AKAP14: variants seen among roughly 807,000 people sequenced by gnomAD.
The protein encoded by AKAP14 is A-kinase anchoring protein 14, also known as A-kinase anchor protein 14.
Under a neutral mutation model 17.0 loss-of-function variants are expected in AKAP14, and 4 were observed. The ratio of observed to expected loss-of-function variants is 0.23; its 90% CI spans 0.12 to 0.54. AKAP14 has a LOEUF of 0.54. Among genes scored for constraint, AKAP14 ranks in the 20% least tolerant of loss-of-function variants. The pLI, the probability that AKAP14 is intolerant of heterozygous loss-of-function variation, is 0.95. For synonymous variants in AKAP14, 42 were observed against 51.3 expected, an observed-to-expected ratio of 0.82 and a Z score of 0.77; for missense variants, 129 against 150.9, an observed-to-expected ratio of 0.85 and a Z score of 0.76.
In AKAP14 at chrX:119,897,285, A is replaced by G. The variant is rs765471706; in HGVS notation, c.-11+1018A>G. Reference sequence around the variant, plus strand: ...TGCCATTCTCCTGCCTCAGACCCCCAAGTAGCTGGGACTACAGGCACCCGC... The same window carrying G: ...TGCCATTCTCCTGCCTCAGACCCCCGAGTAGCTGGGACTACAGGCACCCGC... On this transcript the variant is annotated intron_variant, in intron 2 of 6. Transcript: ENST00000371431. Among the ~76,000 whole-genome samples the G allele has an allele frequency of 3.6e-4, 39 of 108,234 alleles. 2 individuals carry two copies. In the South Asian group the frequency reaches 0.013, roughly 37 times the overall value. The allele number at this position is 108,234 out of a possible 115,157, so 94.0% of individuals were successfully genotyped here. A position where few individuals can be genotyped will look rare whatever the true frequency, so the allele number is the denominator to read the frequency against.
At chrX:119,920,005 A>G in intron 6 of AKAP14, 42 bp downstream of exon 6, 1 of 1,147,501 alleles carries the variant, frequency 8.7e-7, no homozygotes, top group Middle Eastern at 2.4e-4. Flanking sequence ...GGTGGGAGAA[A>G]GGTCATCACA....
intron 4 of AKAP14, among the ~76,000 whole-genome samples, chrX:119,904,484 A>T (rs751636547): frequency 1.8e-5 from 2 of 112,423 alleles, no homozygotes; most frequent in Non-Finnish European, 3.8e-5. Flanking sequence ...GCAGTGGTTC[A>T]CATCTGTAAT....
chrX:119,901,631 G>A (rs1038519659), intron 2 of AKAP14, among the ~76,000 whole-genome samples: 1 of 109,821 alleles, frequency 9.1e-6, no homozygotes, highest in African/African-American at 3.3e-5. Context: ...ACTTGAATCC[G>A]GGAGGCGGAG....
chrX:119,908,500 TA>T (rs2056610821), intron 4 of AKAP14, among the ~76,000 whole-genome samples: 1 of 111,408 alleles, frequency 9.0e-6, no homozygotes, highest in East Asian at 2.8e-4. Flanking sequence ...GACATCACTA[TA>T]AAAAATGCCC....
Position 119,919,918 on chromosome X carries a change from C to T in AKAP14, c.449C>T (p.Pro150Leu), listed in dbSNP as rs1360734578. 1.7e-6 allele frequency: 2 copies of T among 1,208,111 alleles called. No homozygotes were observed. The highest frequency in any genetic ancestry group is 2.2e-6 in the Non-Finnish European group (2 of 893,351). The change falls in exon 6 of 7, where the codon CCC becomes CTC. Residue 150 changes from proline to leucine, a missense_variant. Coordinates refer to ENST00000371431, the MANE Select transcript of AKAP14 (RefSeq NM_178813.6). Reference sequence around the variant, plus strand: ...TGTCCTTCTCTTTTTTAGGATGCACCCATTGTTGTTTCTTATGTAGGTGAC... The same window carrying T: ...TGTCCTTCTCTTTTTTAGGATGCACTCATTGTTGTTTCTTATGTAGGTGAC... ...KVSKTKPPDAPIVVSYVGDHQ... is the reference protein window; with the variant it reads ...KVSKTKPPDALIVVSYVGDHQ...
At chrX:119,915,044 A>G (rs1234043314) in intron 5 of AKAP14, among the ~76,000 whole-genome samples, 166 bp downstream of exon 5, 1 of 112,068 alleles carries the variant, frequency 8.9e-6, no homozygotes, top group Non-Finnish European at 1.9e-5. Flanking sequence ...TCCCCGCTCC[A>G]TGAAACTTTC....
chrX:119,910,253 C>T (rs986581370), intron 4 of AKAP14, among the ~76,000 whole-genome samples: 22 of 111,975 alleles, frequency 2.0e-4, no homozygotes, highest in African/African-American at 7.1e-4. Context: ...ACTGAAACAG[C>T]CAATTGGGTA....
chrX:119,920,132 T>TA (rs2147840492), intron 6 of AKAP14, among the ~76,000 whole-genome samples, 169 bp downstream of exon 6: 1 of 111,598 alleles, frequency 9.0e-6, no homozygotes, highest in Admixed American at 9.6e-5. Context: ...TTATTTTTCT[T>TA]AGTGTCTGGT....
At position 119,914,842 on chromosome X, in the gene AKAP14, C is replaced by T. The variant is rs999180473; in HGVS notation, c.405C>T (p.Thr135=). Residue 135 remains threonine (T), a synonymous_variant, in exon 5 of 7, where the codon ACC becomes ACT. Transcript: ENST00000371431. ...CCGTAGCACGAATCTCTGCTGGTAC[C>T]TACTTCACCATGAAGGTCTCCAAAA... ...DLPVARISAG[T]YFTMKVSKTK... is the part of the protein sequence containing the mutation. 1.7e-6 allele frequency: 2 copies of T among 1,209,041 alleles called. No individual in the cohort carries two copies. Among genetic ancestry groups the T allele is most frequent in the Non-Finnish European group, 2.2e-6 (2 of 894,832 alleles).
intron 4 of AKAP14, among the ~76,000 whole-genome samples, chrX:119,912,233 G>A (rs767920517): frequency 9.1e-5 from 10 of 110,393 alleles, no homozygotes; most frequent in Non-Finnish European, 1.5e-4. Context: ...GCTTGCGCCC[G>A]GCCCACGGGA....
intron 4 of AKAP14, among the ~76,000 whole-genome samples, chrX:119,913,123 A>AAAATAAAT (rs766878681): frequency 0.015 from 1,446 of 98,046 alleles, 17 homozygotes; most frequent in African/African-American, 0.032. Context: ...CCTGGTCTCT[A>AAAATAAAT]AAATAAATAA....
intron 4 of AKAP14, among the ~76,000 whole-genome samples, chrX:119,904,518 C>T (rs999771346): frequency 9.0e-6 from 1 of 111,730 alleles, no homozygotes; most frequent in African/African-American, 3.2e-5. Flanking sequence ...AATACCAAGA[C>T]GGGAGAATCA....
chrX:119,910,069 G>A (rs1400647457), intron 4 of AKAP14, among the ~76,000 whole-genome samples: 2 of 109,913 alleles, frequency 1.8e-5, no homozygotes, highest in African/African-American at 6.6e-5. Flanking sequence ...AGGCTGAGGC[G>A]GGAGGGTCAC....
At chrX:119,903,752 G>T in intron 4 of AKAP14, 166 bp downstream of exon 4, 2 of 946,546 alleles carry the variant, frequency 2.1e-6, no homozygotes. Flanking sequence ...AATCAAGGTG[G>T]GATAGTCTTT....
intron 4 of AKAP14, among the ~76,000 whole-genome samples, chrX:119,907,128 G>T (rs1333365541): frequency 9.5e-6 from 1 of 105,695 alleles, no homozygotes; most frequent in Non-Finnish European, 2.0e-5. Context: ...ATGTCTGTCT[G>T]ATTTTTTTTT....
chrX:119,898,937 G>C (rs1275887715), intron 2 of AKAP14, among the ~76,000 whole-genome samples: 1 of 108,143 alleles, frequency 9.2e-6, no homozygotes, highest in African/African-American at 3.4e-5. Flanking sequence ...GGGAGACTGA[G>C]GTGGGTGGAT....
rs2056684669 is a variant in AKAP14 at position 119,920,678 on chromosome X, C to A, written c.*71C>A. 1.8e-5 allele frequency: 14 copies of A among 773,904 alleles called. No individual in the cohort carries two copies. The allele number at this position is 773,904 out of a possible 1,213,427, so 63.8% of individuals were successfully genotyped here. A position where few individuals can be genotyped will look rare whatever the true frequency, so the allele number is the denominator to read the frequency against. The stretch of plus-strand genomic sequence containing the variant: ...AAAAATACAATACAGCACGTCAAAC[C>A]ACAGAATATTTATTGAGTAATAAAC... On this transcript the variant is annotated 3_prime_UTR_variant, in exon 7 of 7. Coordinates refer to ENST00000371431, the MANE Select transcript of AKAP14 (RefSeq NM_178813.6).
At chrX:119,907,880 A>G (rs759476025) in intron 4 of AKAP14, among the ~76,000 whole-genome samples, 1 of 112,366 alleles carries the variant, frequency 8.9e-6, no homozygotes, top group African/African-American at 3.2e-5. Flanking sequence ...ACCCAGGAAA[A>G]GTACTTTTGG....
Position 119,903,486 on chromosome X carries a change from T to G in AKAP14, c.170-9T>G. 8.3e-7 allele frequency: 1 copy of G among 1,211,974 alleles called. No homozygotes were observed. The highest frequency in any genetic ancestry group is 1.1e-6 in the Non-Finnish European group (1 of 895,589). On this transcript the variant is annotated splice_polypyrimidine_tract_variant and intron_variant, in intron 3 of 6. Coordinates refer to ENST00000371431, the MANE Select transcript of AKAP14 (RefSeq NM_178813.6). ...TGGCAACTAACGAACTCACACCTTT[T>G]TTTTGCAGAGGAGCGAAACCCTTTG... is the stretch of plus-strand genomic sequence containing the variant.
Sources: allele counts gnomAD v4.1 joint callset (sites outside exome capture counted in the v4.1 genomes callset), GRCh38; gene constraint gnomAD v4.1.1; transcripts MANE v1.5; gene names NCBI Gene and HGNC (gene_info 2026-07-23, HGNC 2026-07-21).